The following CFAP54 variants were observed in gnomAD, a reference collection of about 807,000 sequenced individuals.
CFAP54 encodes the protein cilia- and flagella-associated protein 54.
A neutral mutation model predicts 370.4 loss-of-function variants in CFAP54; 290 were observed. That is an observed-to-expected ratio of 0.78 (90% CI 0.71 to 0.86). The LOEUF (loss-of-function observed/expected upper bound fraction) is 0.86. Ranked by LOEUF, CFAP54 falls within the 40% of genes least tolerant of loss-of-function variation. CFAP54 has a pLI of 0.00. For synonymous variants in CFAP54, 1,206 were observed against 1,236.5 expected, an observed-to-expected ratio of 0.98 and a Z score of 0.52; for missense variants, 3,399 against 3,528.7, an observed-to-expected ratio of 0.96 and a Z score of 0.93.
rs1354473768 is a variant in CFAP54, at chr12:96,688,948, C to T, written c.6047C>T (p.Thr2016Ile). Residue 2016 changes from threonine (T) to isoleucine (I), a missense_variant, in exon 43 of 68, where the codon ACT (threonine) becomes ATT (isoleucine). By Grantham distance (89) the Thr-to-Ile change is moderately conservative. Around this residue, in one of 3 missense-constraint regions of CFAP54, gnomAD observed 2,796 missense variants for 2,869.7 expected, o/e 0.97. Coordinates refer to ENST00000524981, the MANE Select transcript of CFAP54 (RefSeq NM_001306084.2). ...FIKSLNVEKKTDCCILSALLF... is the reference protein window; with the variant it reads ...FIKSLNVEKKIDCCILSALLF... ...AAGTCATTGAATGTTGAAAAGAAAA[C>T]TGACTGTTGCATTTTGTCTGCGTTA... 1 of 1,582,522 alleles carries T rather than the reference C, an allele frequency of 6.3e-7. No individual in the cohort carries two copies. The highest frequency in any genetic ancestry group is 1.2e-5 in the South Asian group (1 of 84,632).
intron 67 of CFAP54, among the ~76,000 whole-genome samples, chr12:96,864,509 G>A (rs1959956349): frequency 6.6e-6 from 1 of 152,140 alleles, no homozygotes; most frequent in East Asian, 1.9e-4. Context: ...AGAACTGCAG[G>A]AGGGAAGTGG....
At chr12:96,519,377 G>A (rs977819206) in intron 6 of CFAP54, among the ~76,000 whole-genome samples, 1 of 152,086 alleles carries the variant, frequency 6.6e-6, no homozygotes, top group African/African-American at 2.4e-5. Flanking sequence ...AGGATTACAG[G>A]CGTGAGCCAC....
intron 65 of CFAP54, among the ~76,000 whole-genome samples, chr12:96,819,209 TC>T (rs968940720): frequency 2.0e-5 from 3 of 152,078 alleles, no homozygotes; most frequent in Non-Finnish European, 4.4e-5. Context: ...TCTGAGTGAG[TC>T]AGCTGGGGAC....
intron 65 of CFAP54, among the ~76,000 whole-genome samples, chr12:96,823,370 A>G (rs530867864): frequency 6.6e-6 from 1 of 152,302 alleles, no homozygotes; most frequent in Non-Finnish European, 1.5e-5. Flanking sequence ...GCCAATATCT[A>G]GCCCAGTAAC....
chr12:96,700,113 C>T lies in CFAP54; in HGVS notation c.6474+20C>T. ...ATGAAGGTAACCTGACAATTTGATTCAAAGCAATTTCTTTACCTATGAGGG... is the reference window on the plus strand; with the variant it reads ...ATGAAGGTAACCTGACAATTTGATTTAAAGCAATTTCTTTACCTATGAGGG... On this transcript the variant is annotated intron_variant, in intron 46 of 67. Transcript: ENST00000524981. 1 of 1,596,148 alleles carries T rather than the reference C, an allele frequency of 6.3e-7. No individual in the cohort carries two copies. Among genetic ancestry groups the T allele is most frequent in the Non-Finnish European group, 8.5e-7 (1 of 1,172,554 alleles).
At chr12:96,726,667 C>T (rs973494713) in intron 50 of CFAP54, among the ~76,000 whole-genome samples, 3 of 151,866 alleles carry the variant, frequency 2.0e-5, no homozygotes, top group Middle Eastern at 3.2e-3. Context: ...TTTTGTGTCT[C>T]TATTTCCTTC....
Position 96,743,463 on chromosome 12 carries a change from A to C in CFAP54, c.7281A>C (p.Ala2427=). The C allele has an allele frequency of 6.2e-7, 1 of 1,614,134 alleles. No homozygotes were observed. Among genetic ancestry groups the C allele is most frequent in the Non-Finnish European group, 8.5e-7 (1 of 1,179,980 alleles). Residue 2427 remains alanine, a synonymous_variant, in exon 53 of 68, where the codon GCA becomes GCC. Coordinates refer to ENST00000524981, the MANE Select transcript of CFAP54 (RefSeq NM_001306084.2). The part of the protein sequence containing the change: ...INEVCMEAKS[A]GDTELQAEFL... Reference sequence around the variant, plus strand: ...AAGTGTGTATGGAGGCAAAAAGCGCAGGGGACACGGAACTGCAGGCTGAAT... The same window carrying C: ...AAGTGTGTATGGAGGCAAAAAGCGCCGGGGACACGGAACTGCAGGCTGAAT...
At chr12:96,794,932 T>C (rs1958743854) in intron 63 of CFAP54, among the ~76,000 whole-genome samples, 3 of 152,196 alleles carry the variant, frequency 2.0e-5, no homozygotes, top group African/African-American at 7.2e-5. Context: ...CATGGGGTGC[T>C]CCGTTGATGT....
chr12:96,847,644 T>G (rs373254766), intron 66 of CFAP54, among the ~76,000 whole-genome samples: 4 of 152,346 alleles, frequency 2.6e-5, no homozygotes, highest in African/African-American at 4.8e-5. Flanking sequence ...TGCAGTTTCC[T>G]GCAATATATC....
At chr12:96,508,449 C>T (rs964206307) in intron 4 of CFAP54, among the ~76,000 whole-genome samples, 1 of 151,762 alleles carries the variant, frequency 6.6e-6, no homozygotes, top group African/African-American at 2.4e-5. Flanking sequence ...CCACACCCGG[C>T]CAATTTTTGT....
chr12:96,510,562 G>C (rs1955154318), intron 4 of CFAP54, among the ~76,000 whole-genome samples: 1 of 152,104 alleles, frequency 6.6e-6, no homozygotes, highest in Non-Finnish European at 1.5e-5. Flanking sequence ...CAGGCTCCTG[G>C]CTTACATCCT....
At chr12:96,615,344 C>G (rs1956403755) in intron 26 of CFAP54, among the ~76,000 whole-genome samples, 1 of 152,188 alleles carries the variant, frequency 6.6e-6, no homozygotes, top group Non-Finnish European at 1.5e-5. Flanking sequence ...TTCCTTATAC[C>G]TTACACAAAA....
In CFAP54 at chr12:96,580,833, T is replaced by G; in HGVS notation, c.2890-87T>G. On this transcript the variant is annotated intron_variant, in intron 21 of 67. Transcript: ENST00000524981. ...CAACAATGAAAGAAAAAGGTTTTTTTTTAATAGAAGGTTTACTTAATTGTA... is the reference window on the plus strand; with the variant it reads ...CAACAATGAAAGAAAAAGGTTTTTTGTTAATAGAAGGTTTACTTAATTGTA... The G allele has an allele frequency of 2.5e-6, 3 of 1,188,578 alleles. No homozygotes were observed. The South Asian group carries it at 6.0e-5, about 24-fold the overall frequency. 73.6% of individuals were successfully genotyped at this position (1,188,578 alleles called of 1,614,324 possible). A position where few individuals can be genotyped will look rare whatever the true frequency, so the allele number is the denominator to read the frequency against.
At chr12:96,857,387 G>A (rs1406997170) in intron 66 of CFAP54, among the ~76,000 whole-genome samples, 2 of 152,148 alleles carry the variant, frequency 1.3e-5, no homozygotes, top group Non-Finnish European at 2.9e-5. Context: ...TGAAAATGTG[G>A]TATTTGGTTT....
chr12:96,689,121 C>G (rs1957360902), intron 43 of CFAP54, 139 bp downstream of exon 43: 1 of 518,574 alleles, frequency 1.9e-6, no homozygotes, highest in Non-Finnish European at 3.4e-6. Context: ...GCCCGTCTTT[C>G]TCTTGCTGGC....
chr12:96,569,926 T>C (rs1364117754), intron 19 of CFAP54, among the ~76,000 whole-genome samples: 2 of 152,160 alleles, frequency 1.3e-5, no homozygotes, highest in Non-Finnish European at 2.9e-5. Context: ...ATCAATTCTA[T>C]CTGATTTTTT....
At chr12:96,613,711 CA>C (rs1565914786) in intron 26 of CFAP54, among the ~76,000 whole-genome samples, 1 of 152,118 alleles carries the variant, frequency 6.6e-6, no homozygotes, top group African/African-American at 2.4e-5. Context: ...CACAGAGATA[CA>C]AACTATCAGC....
intron 6 of CFAP54, 31 bp downstream of exon 6, chr12:96,519,102 GTT>G (rs377034711): frequency 3.3e-4 from 442 of 1,334,212 alleles, no homozygotes; most frequent in South Asian, 7.2e-4. Context: ...GAGGAGTCGA[GTT>G]TTTTTTTTTT....
chr12:96,773,818 A>G (rs1383924142), intron 60 of CFAP54, among the ~76,000 whole-genome samples: 2 of 152,158 alleles, frequency 1.3e-5, no homozygotes, highest in East Asian at 3.9e-4. Flanking sequence ...TGTACATCTT[A>G]TACATTTGTA....
Sources: allele counts gnomAD v4.1 joint callset (sites outside exome capture counted in the v4.1 genomes callset), GRCh38; gene constraint gnomAD v4.1.1; regional missense constraint gnomAD v4.1.1; transcripts MANE v1.5; gene names NCBI Gene and HGNC (gene_info 2026-07-23, HGNC 2026-07-21).